The following TSHZ2 variants were observed in gnomAD, a reference collection of about 807,000 sequenced individuals.
TSHZ2 encodes the protein teashirt zinc finger homeobox 2.
TSHZ2 carries 21 observed loss-of-function variants against 74.4 expected under a neutral mutation model. The observed-to-expected ratio is 0.28, with a 90% confidence interval of 0.20 to 0.41. TSHZ2 has a LOEUF of 0.41. Ranked by LOEUF, TSHZ2 falls within the 10% of genes least tolerant of loss-of-function variation. The pLI, the probability that TSHZ2 is intolerant of heterozygous loss-of-function variation, is 1.00. For missense variants in TSHZ2, 1,244 were observed against 1,293.5 expected (o/e 0.96, Z 0.59); for synonymous variants, 540 against 515.3 (o/e 1.05, Z -0.65).
chr20:53,435,031 C>CA (rs1269996909), intron 2 of TSHZ2, among the ~76,000 whole-genome samples: 1 of 152,078 alleles, frequency 6.6e-6, no homozygotes, highest in African/African-American at 2.4e-5. Context: ...AAAACAAAAC[C>CA]AAAAAAGTCT....
At chr20:52,998,169 CCTT>C (rs140509388) in intron 1 of TSHZ2, among the ~76,000 whole-genome samples, 2,611 of 152,190 alleles carry the variant, frequency 0.017, 29 homozygotes, top group Non-Finnish European at 0.03. Context: ...CCCAGCTGTG[CCTT>C]CTTCTTTTTT....
intron 2 of TSHZ2, among the ~76,000 whole-genome samples, chr20:53,402,034 T>C (rs1982685392): frequency 6.6e-6 from 1 of 152,092 alleles, no homozygotes; most frequent in African/African-American, 2.4e-5. Context: ...CTGCCCGCCT[T>C]GGCCTCTCAA....
intron 2 of TSHZ2, among the ~76,000 whole-genome samples, chr20:53,341,933 A>G (rs1980220774): frequency 6.6e-6 from 1 of 152,062 alleles, no homozygotes; most frequent in Non-Finnish European, 1.5e-5. Context: ...CTGGTCTCGA[A>G]CTCCTGAGCT....
At chr20:53,243,537 C>T (rs1450702174) in intron 1 of TSHZ2, among the ~76,000 whole-genome samples, 1 of 152,170 alleles carries the variant, frequency 6.6e-6, no homozygotes, top group Admixed American at 6.5e-5. Flanking sequence ...TCAGTGTGGT[C>T]CTCATAGCAG....
intron 2 of TSHZ2, among the ~76,000 whole-genome samples, chr20:53,476,373 G>A (rs1985993071): frequency 6.6e-6 from 1 of 151,018 alleles, no homozygotes; most frequent in East Asian, 2.0e-4. Context: ...ATCAATAAGT[G>A]TAATCCAGCA....
intron 1 of TSHZ2, among the ~76,000 whole-genome samples, chr20:53,188,153 C>A (rs959089593): frequency 6.6e-6 from 1 of 152,152 alleles, no homozygotes; most frequent in Non-Finnish European, 1.5e-5. Flanking sequence ...CCAAAATGCT[C>A]CCACAATTCC....
At chr20:53,338,319 T>C (rs1170864051) in intron 2 of TSHZ2, among the ~76,000 whole-genome samples, 2 of 152,204 alleles carry the variant, frequency 1.3e-5, no homozygotes, top group African/African-American at 4.8e-5. Flanking sequence ...TAACGTGGGA[T>C]GGTGAGAACA....
intron 1 of TSHZ2, among the ~76,000 whole-genome samples, chr20:53,016,765 G>A (rs760435276): frequency 2.0e-5 from 3 of 152,092 alleles, no homozygotes; most frequent in Non-Finnish European, 4.4e-5. Context: ...CACATCAAAC[G>A]TTGACTTTCT....
At chr20:53,006,664 T>C (rs1438438084) in intron 1 of TSHZ2, among the ~76,000 whole-genome samples, 1 of 152,238 alleles carries the variant, frequency 6.6e-6, no homozygotes, top group Non-Finnish European at 1.5e-5. Context: ...ACAAGTTAAG[T>C]AAATCACACG....
chr20:53,051,453 GCACGCA>G lies in TSHZ2; in HGVS notation c.40+78124_40+78129del, dbSNP rs1325104056. ...TATTCTTATCATATTACTCTGTGGC[GCACGCA>G]CACACACACACACACACACACACAC... On this transcript the variant is annotated intron_variant, in intron 1 of 2. Coordinates refer to ENST00000371497, the MANE Select transcript of TSHZ2 (RefSeq NM_173485.6). Among the ~76,000 whole-genome samples the G allele has an allele frequency of 4.4e-4, 45 of 103,054 alleles. 1 individual carries two copies. Among genetic ancestry groups the G allele is most frequent in the East Asian group, 7.5e-4 (2 of 2,656 alleles). 67.6% of individuals were successfully genotyped at this position (103,054 alleles called of 152,430 possible).
At chr20:53,447,213 C>A (rs537489847) in intron 2 of TSHZ2, among the ~76,000 whole-genome samples, 134 of 152,292 alleles carry the variant, frequency 8.8e-4, no homozygotes, top group Non-Finnish European at 3.8e-4. Context: ...GGACCACTCA[C>A]CGGACTTCAG....
intron 2 of TSHZ2, among the ~76,000 whole-genome samples, chr20:53,392,300 T>G (rs893268318): frequency 1.3e-5 from 2 of 152,058 alleles, no homozygotes; most frequent in Non-Finnish European, 2.9e-5. Flanking sequence ...AAAAATTACC[T>G]GGGTGTGGTG....
intron 2 of TSHZ2, among the ~76,000 whole-genome samples, chr20:53,277,977 A>G (rs989586916): frequency 6.6e-6 from 1 of 152,134 alleles, no homozygotes; most frequent in South Asian, 2.1e-4. Context: ...AGGTCTTCTC[A>G]TCTCTACTTA....
At chr20:52,988,908 A>G (rs1981871568) in intron 1 of TSHZ2, among the ~76,000 whole-genome samples, 1 of 152,184 alleles carries the variant, frequency 6.6e-6, no homozygotes. Context: ...CTTCCTGGCC[A>G]TCAAAAAATA....
At chr20:53,137,753 C>G (rs1463738064) in intron 1 of TSHZ2, among the ~76,000 whole-genome samples, 1 of 152,268 alleles carries the variant, frequency 6.6e-6, no homozygotes, top group East Asian at 1.9e-4. Flanking sequence ...ACAGGAGCAT[C>G]TTTGTAAAGC....
chr20:53,464,249 G>A (rs536742353), intron 2 of TSHZ2, among the ~76,000 whole-genome samples: 8 of 152,268 alleles, frequency 5.3e-5, no homozygotes, highest in Non-Finnish European at 1.0e-4. Flanking sequence ...AACAGTGCTC[G>A]TCCAGACCAA....
intron 1 of TSHZ2, among the ~76,000 whole-genome samples, chr20:53,225,465 T>C (rs927380063): frequency 6.6e-6 from 1 of 152,198 alleles, no homozygotes; most frequent in East Asian, 1.9e-4. Context: ...TTAACGGAGA[T>C]TGGAAGGCCA....
intron 1 of TSHZ2, among the ~76,000 whole-genome samples, chr20:52,979,761 T>C (rs1021094731): frequency 2.6e-5 from 4 of 152,226 alleles, no homozygotes; most frequent in African/African-American, 9.6e-5. Context: ...GCTAAAATTA[T>C]TTACAATTTT....
At chr20:53,423,527 A>G (rs1180813587) in intron 2 of TSHZ2, among the ~76,000 whole-genome samples, 1 of 152,150 alleles carries the variant, frequency 6.6e-6, no homozygotes, top group African/African-American at 2.4e-5. Context: ...TCTCTCTGCA[A>G]CTCTAGGCAA....
Sources: allele counts gnomAD v4.1 joint callset (sites outside exome capture counted in the v4.1 genomes callset), GRCh38; gene constraint gnomAD v4.1.1; transcripts MANE v1.5; gene names NCBI Gene and HGNC (gene_info 2026-07-23, HGNC 2026-07-21).